PPP2R2D: variants seen among roughly 807,000 people sequenced by gnomAD.
The protein encoded by PPP2R2D is serine/threonine-protein phosphatase 2A 55 kDa regulatory subunit B delta isoform.
A neutral mutation model predicts 31.1 loss-of-function variants in PPP2R2D; 9 were observed. The observed-to-expected ratio is 0.29, with a 90% CI of 0.17 to 0.51. PPP2R2D has a LOEUF of 0.51. PPP2R2D is among the 20% of genes least tolerant of loss of function. The pLI, the probability that PPP2R2D is intolerant of heterozygous loss-of-function variation, is 0.98. For synonymous variants in PPP2R2D, 179 were observed against 172.6 expected (o/e 1.04, Z -0.29); for missense variants, 391 against 465.6 (o/e 0.84, Z 1.48).
Position 131,945,498 on chromosome 10 carries a change from C to T in PPP2R2D, c.820+39C>T. 2 of 1,563,978 alleles carry T rather than the reference C, an allele frequency of 1.3e-6. No individual in the cohort carries two copies. Among genetic ancestry groups the T allele is most frequent in the Non-Finnish European group, 1.7e-6 (2 of 1,149,710 alleles). ...TTGTTGAGATGGAGTCTGGCTCTGT[C>T]ACCCAGGCTGCGGTGCAGTGACACA... On this transcript the variant is annotated intron_variant, in intron 7 of 8. Coordinates refer to ENST00000455566, the MANE Select transcript of PPP2R2D (RefSeq NM_018461.5). The surrounding 1 kb of genome is among the most constrained non-coding windows in gnomAD (Gnocchi z 4.8).
intron 3 of PPP2R2D, among the ~76,000 whole-genome samples, chr10:131,938,095 A>G (rs578000520): frequency 4.5e-4 from 68 of 150,546 alleles, no homozygotes; most frequent in African/African-American, 1.7e-3. Flanking sequence ...GACGCGGGGC[A>G]GGCGAGGCGC....
chr10:131,907,263 A>G (rs1181753104), intron 2 of PPP2R2D, among the ~76,000 whole-genome samples: 1 of 151,958 alleles, frequency 6.6e-6, no homozygotes, highest in African/African-American at 2.4e-5. Context: ...TCTGATTTCT[A>G]TATTCCATTG....
intron 2 of PPP2R2D, among the ~76,000 whole-genome samples, chr10:131,905,500 G>A (rs1378799486): frequency 6.6e-6 from 1 of 152,196 alleles, no homozygotes; most frequent in Non-Finnish European, 1.5e-5. Context: ...AGCTCCTCAA[G>A]CTTGAAGGCT....
intron 2 of PPP2R2D, among the ~76,000 whole-genome samples, chr10:131,932,232 A>G (rs1012411738): frequency 2.6e-5 from 4 of 152,194 alleles, no homozygotes; most frequent in African/African-American, 7.2e-5. Context: ...GGAGTGTGAC[A>G]TGGCAGTGGG....
intron 2 of PPP2R2D, among the ~76,000 whole-genome samples, chr10:131,927,319 C>T (rs1254750838): frequency 6.6e-6 from 1 of 152,062 alleles, no homozygotes; most frequent in Admixed American, 6.5e-5. Context: ...AGAGAGCCCC[C>T]ATGGAGAGGG....
At chr10:131,965,581 G>A in the PPP2R2D span, among the ~76,000 whole-genome samples, 2 of 152,134 alleles carry the variant, frequency 1.3e-5, no homozygotes, top group Non-Finnish European at 2.9e-5. Context: ...CAAGTAGCTG[G>A]GACTACAGGT....
At chr10:131,954,756 C>A (rs2036761995) in intron 8 of PPP2R2D, among the ~76,000 whole-genome samples, 1 of 152,118 alleles carries the variant, frequency 6.6e-6, no homozygotes, top group East Asian at 1.9e-4. Context: ...TCTCATGGCA[C>A]CTTGAAGACG....
Position 131,956,331 on chromosome 10 carries a change from C to T in PPP2R2D, c.*368C>T. Reference sequence around the variant, plus strand: ...AGATACCGCTCTTTCTCCAACTTTCCCTCTTTCTCTGCCATCACACTTGGG... The same window carrying T: ...AGATACCGCTCTTTCTCCAACTTTCTCTCTTTCTCTGCCATCACACTTGGG... On this transcript the variant is annotated 3_prime_UTR_variant, in exon 9 of 9. Coordinates refer to ENST00000455566, the MANE Select transcript of PPP2R2D (RefSeq NM_018461.5). 3.0e-6 allele frequency: 3 copies of T among 992,544 alleles called. No individual in the cohort carries two copies. Among genetic ancestry groups the T allele is most frequent in the Non-Finnish European group, 3.6e-6 (3 of 834,930 alleles). The allele number at this position is 992,544 out of a possible 1,614,324, so 61.5% of individuals were successfully genotyped here.
downstream of PPP2R2D, among the ~76,000 whole-genome samples, chr10:131,960,031 G>C (rs782044706): frequency 1.3e-5 from 2 of 152,214 alleles, no homozygotes; most frequent in Non-Finnish European, 2.9e-5. Context: ...TTCCCTGGAG[G>C]TGTCGTCACC....
intron 2 of PPP2R2D, among the ~76,000 whole-genome samples, chr10:131,907,414 C>A (rs1049462292): frequency 0.02 from 2,969 of 152,254 alleles, 45 homozygotes; most frequent in East Asian, 0.059. Context: ...CATAGGAAGC[C>A]TCTGCCTTTA....
At chr10:131,959,927 G>A (rs2120108122), downstream of PPP2R2D, 1 of 152,410 alleles carries the variant, frequency 6.6e-6, no homozygotes, top group Non-Finnish European at 1.5e-5. Context: ...GGGCAGAGCA[G>A]AAGGTGCAGC....
rs944420956 is a variant in PPP2R2D at position 131,956,185 on chromosome 10, A to G, written c.*222A>G. ...GCTCACGTGGAGACGCTCTCGAAGCAGAGTTGACGGACACTGCTCCCAAAA... is the reference window on the plus strand; with the variant it reads ...GCTCACGTGGAGACGCTCTCGAAGCGGAGTTGACGGACACTGCTCCCAAAA... On this transcript the variant is annotated 3_prime_UTR_variant, in exon 9 of 9. Coordinates refer to ENST00000455566, the MANE Select transcript of PPP2R2D (RefSeq NM_018461.5). 6 of 1,223,218 alleles carry G rather than the reference A, an allele frequency of 4.9e-6. No homozygotes were observed. Among genetic ancestry groups the G allele is most frequent in the Non-Finnish European group, 6.1e-6 (6 of 982,914 alleles). 75.8% of individuals were successfully genotyped at this position (1,223,218 alleles called of 1,614,324 possible). A position where few individuals can be genotyped will look rare whatever the true frequency, so the allele number is the denominator to read the frequency against.
Position 131,939,527 on chromosome 10 carries a change from C to T in PPP2R2D, c.199-504C>T, listed in dbSNP as rs540388179. On this transcript the variant is annotated intron_variant, in intron 3 of 8. Transcript: ENST00000455566. ...CTGCTCCAGAAAACACGGCAGGCTG[C>T]ATTCGGCAGACCTGCTCCAGAAAAT... Among the ~76,000 whole-genome samples, 128 of 126,412 alleles carry T rather than the reference C, an allele frequency of 1.0e-3. 7 individuals are homozygous for T. The highest frequency in any genetic ancestry group is 3.6e-3 in the African/African-American group (114 of 31,580). The allele number at this position is 126,412 out of a possible 152,430, so 82.9% of individuals were successfully genotyped here.
chr10:131,934,884 G>A (rs1219064946), intron 3 of PPP2R2D: 25 of 464,272 alleles, frequency 5.4e-5, no homozygotes, highest in African/African-American at 1.8e-4. Context: ...CCCTTTATAC[G>A]CCTATGCAGG....
intron 8 of PPP2R2D, among the ~76,000 whole-genome samples, chr10:131,952,306 C>T (rs74186567): frequency 4.7e-5 from 3 of 63,860 alleles, no homozygotes; most frequent in African/African-American, 7.0e-5. Context: ...TAGTGACTTG[C>T]GGGTGTGCGG....
chr10:131,940,250 C>CTG lies in PPP2R2D; in HGVS notation c.364+64_364+65dup, dbSNP rs60457100. On this transcript the variant is annotated intron_variant, in intron 4 of 8. Coordinates refer to ENST00000455566, the MANE Select transcript of PPP2R2D (RefSeq NM_018461.5). ...GATTTAGTTTTTTATTTTTAATTTT[C>CTG]TGTGTGTGTGTAGATTCCTTTTTAT... is the stretch of plus-strand genomic sequence containing the variant. The CTG allele has an allele frequency of 6.9e-3, 4,141 of 600,804 alleles. 115 individuals carry two copies. Among genetic ancestry groups the CTG allele is most frequent in the African/African-American group, 0.062 (3,341 of 53,834 alleles). 37.2% of individuals were successfully genotyped at this position (600,804 alleles called of 1,614,324 possible).
chr10:131,968,389 A>G, the PPP2R2D span: 1 of 726,038 alleles, frequency 1.4e-6, no homozygotes, highest in Non-Finnish European at 2.3e-6. Context: ...ATTTTACTAA[A>G]TTAGGAACGC....
chr10:131,925,303 A>C (rs1321296037), intron 2 of PPP2R2D, among the ~76,000 whole-genome samples: 1 of 152,186 alleles, frequency 6.6e-6, no homozygotes, highest in Non-Finnish European at 1.5e-5. Flanking sequence ...CTCTTTGTCA[A>C]GTTGAGGAAG....
chr10:131,936,625 A>G (rs1447810997), intron 3 of PPP2R2D, among the ~76,000 whole-genome samples: 1 of 152,230 alleles, frequency 6.6e-6, no homozygotes, highest in African/African-American at 2.4e-5. Flanking sequence ...TCGTTGCTTA[A>G]CCTAAATAAT....
Sources: gnomAD v4.1 joint callset for allele counts (sites outside exome capture counted in the v4.1 genomes callset) on GRCh38, gnomAD v4.1.1 for gene constraint, Gnocchi (gnomAD v3.1) non-coding constraint, MANE v1.5 for transcripts, NCBI Gene and HGNC (gene_info 2026-07-23, HGNC 2026-07-21) for gene names.